The following DNAH5 variants were observed in gnomAD, a reference collection of about 807,000 sequenced individuals.
DNAH5 encodes the protein dynein axonemal heavy chain 5, also known as axonemal beta dynein heavy chain 5.
Under a neutral mutation model 518.2 loss-of-function variants are expected in DNAH5, and 372 were observed. The observed-to-expected ratio is 0.72, with a 90% CI of 0.66 to 0.78. The LOEUF (loss-of-function observed/expected upper bound fraction) is 0.78. DNAH5 is among the 30% of genes least tolerant of loss of function. DNAH5 has a pLI of 0.00. For missense variants in DNAH5, 5,523 were observed against 5,687.0 expected (o/e 0.97, Z 0.93); for synonymous variants, 2,039 against 2,025.9 (o/e 1.01, Z -0.17).
At chr5:13,804,118 G>GA (rs1241143986) in intron 47 of DNAH5, among the ~76,000 whole-genome samples, 23 of 152,184 alleles carry the variant, frequency 1.5e-4, no homozygotes, top group South Asian at 8.3e-4. Flanking sequence ...AGTTCGGGGG[G>GA]AAAAATGAGG....
In DNAH5 at chr5:13,886,142, A is replaced by C. The variant is rs1312044914; in HGVS notation, c.2578-13T>G. ...TTACACAAAGATCCTAACCAAAAAA[A>C]AAAAAAAAAAAAGATAGCACAGTGG... On this transcript the variant is annotated splice_polypyrimidine_tract_variant and intron_variant, in intron 17 of 78. Transcript: ENST00000265104. 1 of 1,543,438 alleles carries C rather than the reference A, an allele frequency of 6.5e-7. No individual in the cohort carries two copies. The highest frequency in any genetic ancestry group is 1.2e-5 in the South Asian group (1 of 85,992).
intron 1 of DNAH5, among the ~76,000 whole-genome samples, chr5:13,976,344 T>A (rs1561031321): frequency 1.3e-5 from 2 of 152,324 alleles, no homozygotes; most frequent in East Asian, 1.9e-4. Flanking sequence ...AGTTTTAAAT[T>A]GTACACTATA....
rs1341570153 is a variant in DNAH5, at chr5:13,865,822, G to A, written c.4201C>T (p.Gln1401Ter). 1 of 1,613,762 alleles carries A rather than the reference G, an allele frequency of 6.2e-7. No individual in the cohort carries two copies. Residue 1401 changes from glutamine (Q) to a stop codon, truncating the protein, a stop_gained, in exon 27 of 79, where the codon CAG (glutamine) becomes TAG (stop). Transcript: ENST00000265104. LOFTEE classifies it high-confidence loss of function. Reference protein sequence around the residue: ...LFGLPATQYPQLLEIKKQLNL... With the variant: ...LFGLPATQYP ...AGTTGCTTCTTTATTTCAAGAAGCT[G>A]AGGATACTGTGTAGCTGGCAGGCCA...
intron 31 of DNAH5, among the ~76,000 whole-genome samples, chr5:13,848,819 A>T (rs1766418857): frequency 6.6e-6 from 1 of 152,148 alleles, no homozygotes; most frequent in Non-Finnish European, 1.5e-5. Context: ...AGCGGCTGTA[A>T]ATACAAATGA....
At chr5:13,950,595 C>T (rs1363383989) in intron 1 of DNAH5, among the ~76,000 whole-genome samples, 1 of 152,140 alleles carries the variant, frequency 6.6e-6, no homozygotes, top group Non-Finnish European at 1.5e-5. Flanking sequence ...GTATATAAAG[C>T]TGTAGTGCTT....
chr5:13,979,704 C>T (rs775916570), intron 1 of DNAH5, among the ~76,000 whole-genome samples: 44 of 152,308 alleles, frequency 2.9e-4, no homozygotes, highest in Admixed American at 7.8e-4. Context: ...AAGAACTTCA[C>T]GTGGCTAAAG....
At chr5:13,984,186 C>T (rs931751173) in intron 1 of DNAH5, among the ~76,000 whole-genome samples, 4 of 152,130 alleles carry the variant, frequency 2.6e-5, no homozygotes, top group Admixed American at 6.5e-5. Context: ...GGTATGCAGC[C>T]GCCTCTAACT....
chr5:13,927,040 C>T (rs1341175363), intron 3 of DNAH5, among the ~76,000 whole-genome samples: 2 of 152,032 alleles, frequency 1.3e-5, no homozygotes, highest in Non-Finnish European at 2.9e-5. Flanking sequence ...TAGCTATTTT[C>T]CCTTTTATCA....
At chr5:13,842,435 GAA>G (rs1491149648) in intron 32 of DNAH5, among the ~76,000 whole-genome samples, 760 of 69,102 alleles carry the variant, frequency 0.011, 77 homozygotes, top group East Asian at 0.023. Context: ...AAGAAAGAAA[GAA>G]AGAAAGAAAG....
intron 1 of DNAH5, among the ~76,000 whole-genome samples, chr5:13,974,980 C>T (rs922317116): frequency 6.6e-6 from 1 of 152,166 alleles, no homozygotes; most frequent in Non-Finnish European, 1.5e-5. Context: ...GAGGCACAGA[C>T]TGGCCCTCTG....
chr5:13,758,605 G>A (rs1580093086), intron 61 of DNAH5, among the ~76,000 whole-genome samples: 1 of 152,158 alleles, frequency 6.6e-6, no homozygotes, highest in Admixed American at 6.5e-5. Context: ...AAAAATGCTA[G>A]TACACAAGAT....
intron 32 of DNAH5, among the ~76,000 whole-genome samples, chr5:13,843,916 C>T (rs977951465): frequency 1.5e-5 from 2 of 137,812 alleles, no homozygotes; most frequent in Non-Finnish European, 3.1e-5. Flanking sequence ...ATTTAATTGT[C>T]CAATTTCTCT....
chr5:13,871,479 A>G (rs745633665), intron 23 of DNAH5, 85 bp downstream of exon 23: 36 of 1,203,968 alleles, frequency 3.0e-5, no homozygotes, highest in Non-Finnish European at 2.0e-5. Flanking sequence ...TAAGACAGGT[A>G]GAACTCTCTG....
intron 43 of DNAH5, among the ~76,000 whole-genome samples, chr5:13,813,921 A>G (rs1015084418): frequency 2.6e-5 from 4 of 152,194 alleles, no homozygotes; most frequent in Non-Finnish European, 4.4e-5. Context: ...TGATGAAAAT[A>G]TTCAATATAA....
intron 71 of DNAH5, among the ~76,000 whole-genome samples, chr5:13,719,331 A>G (rs1744736732): frequency 6.6e-6 from 1 of 152,190 alleles, no homozygotes; most frequent in South Asian, 2.1e-4. Flanking sequence ...TACCAATACT[A>G]TATGGTCGCA....
intron 30 of DNAH5, among the ~76,000 whole-genome samples, chr5:13,853,785 C>T (rs1767221432): frequency 6.6e-6 from 1 of 151,388 alleles, no homozygotes; most frequent in Non-Finnish European, 1.5e-5. Context: ...GATTGAAGAT[C>T]AATGTAATGA....
At chr5:13,892,663 T>C (rs889095909) in intron 16 of DNAH5, among the ~76,000 whole-genome samples, 3 of 152,222 alleles carry the variant, frequency 2.0e-5, no homozygotes, top group Non-Finnish European at 4.4e-5. Context: ...GTTAATACTT[T>C]AATACTAGTG....
Position 13,727,491 on chromosome 5 carries a change from A to C in DNAH5, c.12033+16T>G. ...AAAATATTCTCTCATTTTTCTCTTTAATATGGACTTTTTACCTGGGCGATG... is the reference window on the plus strand; with the variant it reads ...AAAATATTCTCTCATTTTTCTCTTTCATATGGACTTTTTACCTGGGCGATG... On this transcript the variant is annotated intron_variant, in intron 70 of 78. Transcript: ENST00000265104. The C allele has an allele frequency of 6.2e-7, 1 of 1,607,052 alleles. No homozygotes were observed. Among genetic ancestry groups the C allele is most frequent in the Non-Finnish European group, 8.5e-7 (1 of 1,175,368 alleles).
intron 68 of DNAH5, among the ~76,000 whole-genome samples, chr5:13,734,343 T>A (rs1402784807): frequency 1.3e-5 from 2 of 152,216 alleles, no homozygotes. Context: ...TCTTATAGCA[T>A]TGAGAACTAA....
Sources: allele counts gnomAD v4.1 joint callset (sites outside exome capture counted in the v4.1 genomes callset), GRCh38; gene constraint gnomAD v4.1.1; transcripts MANE v1.5; gene names NCBI Gene and HGNC (gene_info 2026-07-23, HGNC 2026-07-21).